The following EDIL3 variants were observed in gnomAD, a reference collection of about 807,000 sequenced individuals.
EDIL3 encodes the protein EGF-like repeat and discoidin I-like domain-containing protein 3.
EDIL3 carries 37 observed loss-of-function variants against 67.4 expected under a neutral mutation model. The observed-to-expected ratio is 0.55, with a 90% CI of 0.42 to 0.72. The LOEUF is 0.72. EDIL3 is among the 30% of genes least tolerant of loss of function. The pLI is 0.00. For synonymous variants in EDIL3, 195 were observed against 196.3 expected, an observed-to-expected ratio of 0.99 and a Z score of 0.05; for missense variants, 527 against 586.3, an observed-to-expected ratio of 0.90 and a Z score of 1.04.
chr5:84,122,718 G>A (rs1747800191), intron 5 of EDIL3, among the ~76,000 whole-genome samples: 1 of 151,696 alleles, frequency 6.6e-6, no homozygotes, highest in Admixed American at 6.6e-5. Flanking sequence ...GATGAGGAGG[G>A]CACTTAGATG....
At chr5:83,953,108 C>G (rs966410296) in intron 10 of EDIL3, among the ~76,000 whole-genome samples, 4 of 151,808 alleles carry the variant, frequency 2.6e-5, no homozygotes, top group Non-Finnish European at 5.9e-5. Flanking sequence ...CCTTTATCCT[C>G]TCTCCTGAGT....
intron 3 of EDIL3, among the ~76,000 whole-genome samples, chr5:84,214,415 T>C (rs1265635192): frequency 6.6e-6 from 1 of 152,022 alleles, no homozygotes; most frequent in Non-Finnish European, 1.5e-5. Flanking sequence ...CCCGCCACTT[T>C]ACATCATCTC....
At chr5:84,020,342 T>C (rs1340148062) in intron 9 of EDIL3, among the ~76,000 whole-genome samples, 1 of 152,030 alleles carries the variant, frequency 6.6e-6, no homozygotes, top group Admixed American at 6.6e-5. Context: ...TGCTTTCTTA[T>C]GGGCCTTTTC....
At chr5:84,073,657 T>C (rs1429080416) in intron 6 of EDIL3, among the ~76,000 whole-genome samples, 1 of 151,516 alleles carries the variant, frequency 6.6e-6, no homozygotes, top group Non-Finnish European at 1.5e-5. Context: ...GAAGGACCTC[T>C]TCAAGGAGAA....
chr5:84,004,323 C>T (rs1271814933), intron 9 of EDIL3, among the ~76,000 whole-genome samples: 1 of 151,990 alleles, frequency 6.6e-6, no homozygotes, highest in African/African-American at 2.4e-5. Context: ...ACCAAATGGA[C>T]CTAACAGACA....
chr5:84,129,467 T>C (rs926332744), intron 5 of EDIL3, among the ~76,000 whole-genome samples: 5 of 152,058 alleles, frequency 3.3e-5, no homozygotes, highest in Admixed American at 2.0e-4. Context: ...TCAATTCCTT[T>C]ATTTATTTAT....
chr5:84,195,247 G>C (rs1442400127), intron 3 of EDIL3, among the ~76,000 whole-genome samples: 3 of 151,916 alleles, frequency 2.0e-5, no homozygotes, highest in African/African-American at 7.2e-5. Context: ...ATATGCAGTA[G>C]AGAAGTCTTT....
intron 1 of EDIL3, among the ~76,000 whole-genome samples, chr5:84,346,135 C>CTTT (rs912729041): frequency 0.011 from 1,348 of 122,888 alleles, 49 homozygotes; most frequent in African/African-American, 0.032. Context: ...CTTTTTTTTT[C>CTTT]TTTTTTTTTT....
chr5:83,948,136 G>A (rs1384117247), intron 10 of EDIL3, among the ~76,000 whole-genome samples: 1 of 151,632 alleles, frequency 6.6e-6, no homozygotes, highest in Non-Finnish European at 1.5e-5. Flanking sequence ...ATTGATTTAT[G>A]GTCAAATAGA....
chr5:84,018,545 A>G (rs1403505020), intron 9 of EDIL3, among the ~76,000 whole-genome samples: 1 of 152,070 alleles, frequency 6.6e-6, no homozygotes, highest in African/African-American at 2.4e-5. Flanking sequence ...ACCTTATTCT[A>G]CTATCAAGAG....
chr5:84,098,587 T>A (rs1427324127), intron 6 of EDIL3, among the ~76,000 whole-genome samples: 1 of 152,098 alleles, frequency 6.6e-6, no homozygotes, highest in Non-Finnish European at 1.5e-5. Context: ...AATTACTGAA[T>A]AACAATGTTG....
intron 4 of EDIL3, among the ~76,000 whole-genome samples, chr5:84,178,907 T>C (rs1360669931): frequency 1.3e-5 from 2 of 152,214 alleles, no homozygotes; most frequent in Admixed American, 1.3e-4. Flanking sequence ...GATTTCTTTG[T>C]GCTTTGAAAT....
chr5:84,120,008 C>T (rs1411556527), intron 5 of EDIL3, among the ~76,000 whole-genome samples: 1 of 151,536 alleles, frequency 6.6e-6, no homozygotes, highest in East Asian at 1.9e-4. Flanking sequence ...CACAAAATGC[C>T]CCTTGGTACC....
chr5:84,329,113 C>T (rs562322530), intron 1 of EDIL3, among the ~76,000 whole-genome samples: 111 of 152,034 alleles, frequency 7.3e-4, no homozygotes, highest in Admixed American at 1.2e-3. Context: ...GCTTTGAGAA[C>T]AAAAAATTGT....
chr5:84,340,189 C>T (rs1747072712), intron 1 of EDIL3, among the ~76,000 whole-genome samples: 2 of 151,342 alleles, frequency 1.3e-5, no homozygotes, highest in Admixed American at 6.6e-5. Context: ...AACAACAAAT[C>T]TTGCTAAATT....
At chr5:84,100,552 C>T (rs1747344671) in intron 6 of EDIL3, among the ~76,000 whole-genome samples, 1 of 151,988 alleles carries the variant, frequency 6.6e-6, no homozygotes, top group South Asian at 2.1e-4. Flanking sequence ...GACAGGGGAA[C>T]ATCACACACT....
At chr5:84,328,345 C>T (rs927618436) in intron 1 of EDIL3, among the ~76,000 whole-genome samples, 1 of 151,890 alleles carries the variant, frequency 6.6e-6, no homozygotes, top group African/African-American at 2.4e-5. Context: ...CAAAATGCTT[C>T]CCCCCGTCAC....
At chr5:84,191,741 A>T (rs963855903) in intron 3 of EDIL3, among the ~76,000 whole-genome samples, 2 of 152,078 alleles carry the variant, frequency 1.3e-5, no homozygotes, top group Non-Finnish European at 2.9e-5. Flanking sequence ...AAAAAGGAAC[A>T]GCAAAATTGA....
chr5:83,989,958 C>A (rs536312875), intron 9 of EDIL3, among the ~76,000 whole-genome samples: 1 of 152,236 alleles, frequency 6.6e-6, no homozygotes, highest in South Asian at 2.1e-4. Context: ...AAGGGCTGGG[C>A]TGCTCTCACA....
Sources: allele counts gnomAD v4.1 joint callset (sites outside exome capture counted in the v4.1 genomes callset), GRCh38; gene constraint gnomAD v4.1.1; transcripts MANE v1.5; gene names NCBI Gene and HGNC (gene_info 2026-07-23, HGNC 2026-07-21).